The following CEP131 variants were observed in gnomAD, a reference collection of about 807,000 sequenced individuals.
CEP131 encodes centrosomal protein 131, also known as centrosomal protein of 131 kDa.
A neutral mutation model predicts 136.8 loss-of-function variants in CEP131; 99 were observed. That is an observed-to-expected ratio of 0.72 (90% CI 0.62 to 0.86). The LOEUF (loss-of-function observed/expected upper bound fraction) is 0.86. Among genes scored for constraint, CEP131 ranks in the 40% least tolerant of loss-of-function variants. The probability of loss-of-function intolerance (pLI) is 0.00; values close to 1 mark genes in which losing one functional copy is unlikely to be tolerated. For missense variants in CEP131, 1,459 were observed against 1,463.0 expected (o/e 1.00, Z 0.04); for synonymous variants, 646 against 612.7 (o/e 1.05, Z -0.80).
At position 81,198,166 on chromosome 17, in the gene CEP131, C is replaced by G; in HGVS notation, c.1419G>C (p.Val473=). ...TGTGATGGGTCCTGGGGCGGGGCAG[C>G]ACGTCCGGCTCCTTCTCCAGCAGCT... The part of the protein sequence containing the change: ...TLQLLEKEPD[V]LPRPRTHHRG... The change falls in exon 12 of 26, where the codon GTG becomes GTC. Residue 473 remains valine, a synonymous_variant. Coordinates refer to ENST00000450824, the MANE Select transcript of CEP131 (RefSeq NM_014984.4). The G allele has an allele frequency of 3.2e-6, 5 of 1,575,094 alleles. No homozygotes were observed. Among genetic ancestry groups the G allele is most frequent in the Non-Finnish European group, 3.4e-6 (4 of 1,160,448 alleles).
Position 81,190,929 on chromosome 17 carries a change from C to T in CEP131, c.2921G>A (p.Arg974Gln), listed in dbSNP as rs140907954. The T allele has an allele frequency of 5.2e-5, 84 of 1,604,690 alleles. No homozygotes were observed. In the African/African-American group the frequency reaches 9.5e-4, roughly 18 times the overall value. Residue 974 changes from arginine to glutamine, a missense_variant, in exon 23 of 26, where the codon CGG (arginine) becomes CAG (glutamine). Around this residue, in one of 3 missense-constraint regions of CEP131, gnomAD observed 1,026 missense variants for 964.2 expected, o/e 1.06. Coordinates refer to ENST00000450824, the MANE Select transcript of CEP131 (RefSeq NM_014984.4). ...RLQGLVRQKE[R>Q]ALEDAQAVNE... ...CACCGCCTGCGCATCCTCCAGCGCC[C>T]GCTCCTTCTGCCGCACAAGGCCCTG... is the stretch of plus-strand genomic sequence containing the variant.
chr17:81,192,221 G>T, intron 21 of CEP131, 97 bp downstream of exon 21: 1 of 1,163,018 alleles, frequency 8.6e-7, no homozygotes, highest in Non-Finnish European at 1.2e-6. Context: ...CCCCCAGGAT[G>T]CCACAGCAGC....
At chr17:81,213,759 C>A (rs547320253) in intron 2 of CEP131, among the ~76,000 whole-genome samples, 1 of 152,166 alleles carries the variant, frequency 6.6e-6, no homozygotes, top group South Asian at 2.1e-4. Context: ...TGACCCTCCA[C>A]CTTGGCCAGG....
At chr17:81,210,978 G>T (rs760756717) in intron 2 of CEP131, among the ~76,000 whole-genome samples, 4 of 152,172 alleles carry the variant, frequency 2.6e-5, no homozygotes, top group African/African-American at 9.7e-5. Context: ...CAGCTCGGCG[G>T]CAGCAGAGCC....
chr17:81,192,482 C>G lies in CEP131; in HGVS notation c.2541G>C (p.Arg847=). ...CAGCCCTCCGGTGGTAGACCTGGTG[C>G]CGGCGCTCCTGCTCCTCCCTGCCCT... ...FEKGREEQER[R]HQMELNTLKQ... Residue 847 remains arginine, a synonymous_variant, in exon 20 of 26, where the codon CGG becomes CGC. Transcript: ENST00000450824. 6.2e-7 allele frequency: 1 copy of G among 1,611,888 alleles called. No homozygotes were observed. Among genetic ancestry groups the G allele is most frequent in the Non-Finnish European group, 8.5e-7 (1 of 1,179,780 alleles).
intron 2 of CEP131, among the ~76,000 whole-genome samples, chr17:81,218,187 T>C (rs1255734273): frequency 2.0e-5 from 3 of 152,150 alleles, no homozygotes; most frequent in African/African-American, 7.2e-5. Context: ...GGATTAAGGG[T>C]GCGCGCCACC....
rs952062175 is a variant in CEP131, at chr17:81,208,052, C to T, written c.273-813G>A. Among the ~76,000 whole-genome samples, 3 of 133,766 alleles carry T rather than the reference C, an allele frequency of 2.2e-5. No homozygotes were observed. Among genetic ancestry groups the T allele is most frequent in the Non-Finnish European group, 4.9e-5 (3 of 60,958 alleles). The allele number at this position is 133,766 out of a possible 152,430, so 87.8% of individuals were successfully genotyped here. A position where few individuals can be genotyped will look rare whatever the true frequency, so the allele number is the denominator to read the frequency against. ...CCACACACCACACACCCCCCACACA[C>T]ACCACACTCACACCACACACCCACA... On this transcript the variant is annotated intron_variant, in intron 3 of 25. Coordinates refer to ENST00000450824, the MANE Select transcript of CEP131 (RefSeq NM_014984.4). The surrounding 1 kb of genome is among the most constrained non-coding windows in gnomAD (Gnocchi z 5.6).
intron 1 of CEP131, among the ~76,000 whole-genome samples, chr17:81,221,248 A>T (rs557394526): frequency 1.1e-4 from 17 of 150,716 alleles, no homozygotes; most frequent in South Asian, 1.1e-3. Context: ...CCAGCAGGGG[A>T]CGGGGGTTCT....
intron 2 of CEP131, among the ~76,000 whole-genome samples, chr17:81,210,976 C>T (rs994161105): frequency 4.6e-5 from 7 of 152,056 alleles, no homozygotes; most frequent in South Asian, 2.1e-4. Context: ...CCCAGCTCGG[C>T]GGCAGCAGAG....
At chr17:81,200,483 C>T in intron 7 of CEP131, 37 bp from the exon 8 acceptor site, 1 of 1,474,202 alleles carries the variant, frequency 6.8e-7, no homozygotes, top group Non-Finnish European at 9.2e-7. Flanking sequence ...AAGACAGGAC[C>T]AGCGCCCCGG....
chr17:81,189,651 G>A lies in CEP131; in HGVS notation c.*118C>T. Reference sequence around the variant, plus strand: ...ATGCAGCCACAGGTGCTTAGCCGTGGGCATCTCAACCACCAGCCTCTGTGG... The same window carrying A: ...ATGCAGCCACAGGTGCTTAGCCGTGAGCATCTCAACCACCAGCCTCTGTGG... On this transcript the variant is annotated 3_prime_UTR_variant, in exon 26 of 26. Transcript: ENST00000450824. 1 of 1,035,898 alleles carries A rather than the reference G, an allele frequency of 9.7e-7. No individual in the cohort carries two copies. Among genetic ancestry groups the A allele is most frequent in the Non-Finnish European group, 1.4e-6 (1 of 714,200 alleles). The allele number at this position is 1,035,898 out of a possible 1,614,324, so 64.2% of individuals were successfully genotyped here. A position where few individuals can be genotyped will look rare whatever the true frequency, so the allele number is the denominator to read the frequency against.
intron 16 of CEP131, among the ~76,000 whole-genome samples, chr17:81,195,461 G>A (rs766212266): frequency 3.9e-5 from 6 of 152,188 alleles, no homozygotes; most frequent in East Asian, 3.9e-4. Context: ...GGGAAGGGGC[G>A]GGGAGTCAAT....
rs1212152966 is a variant in CEP131 at position 81,197,517 on chromosome 17, G to GA, written c.1647+194_1647+195insT. 69 of 806,980 alleles carry GA rather than the reference G, an allele frequency of 8.6e-5. No homozygotes were observed. The African/African-American group carries it at 1.2e-3, about 14-fold the overall frequency. 50.0% of individuals were successfully genotyped at this position (806,980 alleles called of 1,614,324 possible). A position where few individuals can be genotyped will look rare whatever the true frequency, so the allele number is the denominator to read the frequency against. ...ACCTCCACCCTGAGAGACCCGTGGG[G>GA]GGTGCTGCATAACTAGGTGGGTACA... is the stretch of plus-strand genomic sequence containing the variant. On this transcript the variant is annotated intron_variant, in intron 13 of 25. Transcript: ENST00000450824.
chr17:81,211,704 G>T (rs1204662211), intron 2 of CEP131, among the ~76,000 whole-genome samples: 1 of 152,128 alleles, frequency 6.6e-6, no homozygotes, highest in Non-Finnish European at 1.5e-5. Flanking sequence ...AGGCCAAGGC[G>T]GGTGGATCAC....
At chr17:81,210,880 C>G (rs2062117596) in intron 2 of CEP131, among the ~76,000 whole-genome samples, 2 of 150,954 alleles carry the variant, frequency 1.3e-5, no homozygotes, top group African/African-American at 4.9e-5. Context: ...TGCACCCCAC[C>G]AGGACACCCC....
chr17:81,191,240 G>C lies in CEP131; in HGVS notation c.2718C>G (p.Ala906=). 1.2e-6 allele frequency: 2 copies of C among 1,613,170 alleles called. No individual in the cohort carries two copies. Among genetic ancestry groups the C allele is most frequent in the Non-Finnish European group, 1.7e-6 (2 of 1,179,964 alleles). Residue 906 remains alanine (A), a synonymous_variant, in exon 22 of 26, where the codon GCC becomes GCG. Transcript: ENST00000450824. Reference sequence around the variant, plus strand: ...TCTCCTCCTTGGCCAGCGCCATGTCGGCCTCCAGCCGGTGAATGACCAGCT... The same window carrying C: ...TCTCCTCCTTGGCCAGCGCCATGTCCGCCTCCAGCCGGTGAATGACCAGCT... The part of the protein sequence containing the change: ...EIELVIHRLE[A]DMALAKEESE...
chr17:81,202,984 T>C (rs111687967), intron 6 of CEP131, among the ~76,000 whole-genome samples: 4,840 of 151,728 alleles, frequency 0.032, 113 homozygotes, highest in Non-Finnish European at 0.054. Context: ...AAAAATTCCA[T>C]TGAGAAAGTT....
chr17:81,190,908 G>A lies in CEP131; in HGVS notation c.2942C>T (p.Ala981Val), dbSNP rs773113154. Residue 981 changes from alanine to valine, a missense_variant and splice_region_variant, in exon 23 of 26, where the codon GCG becomes GTG. By Grantham distance (64) the Ala-to-Val change is moderately conservative. Coordinates refer to ENST00000450824, the MANE Select transcript of CEP131 (RefSeq NM_014984.4). ...QKERALEDAQ[A>V]VNEQLSSERS... is the part of the protein sequence containing the mutation. ...CCCACCTGACACCCGCCCACTCACCGCCTGCGCATCCTCCAGCGCCCGCTC... is the reference window on the plus strand; with the variant it reads ...CCCACCTGACACCCGCCCACTCACCACCTGCGCATCCTCCAGCGCCCGCTC... 44 of 1,602,666 alleles carry A rather than the reference G, an allele frequency of 2.7e-5. No homozygotes were observed. Among genetic ancestry groups the A allele is most frequent in the Middle Eastern group, 3.3e-4 (2 of 6,014 alleles).
At position 81,192,782 on chromosome 17, in the gene CEP131, T is replaced by A; in HGVS notation, c.2383A>T (p.Ser795Cys). Residue 795 changes from serine to cysteine, a missense_variant, in exon 19 of 26, where the codon AGT becomes TGT. Ser to Cys is a moderately radical substitution (Grantham distance 112). Coordinates refer to ENST00000450824, the MANE Select transcript of CEP131 (RefSeq NM_014984.4). ...CGCTCCCTCTCCTCAGCCACCTCAC[T>A]GTACAGCCGCTGCCGTTGCTGCTGC... ...ALQQQRQRLYSEVAEERERLG... is the reference protein window; with the variant it reads ...ALQQQRQRLYCEVAEERERLG... The A allele has an allele frequency of 6.3e-7, 1 of 1,597,470 alleles. No homozygotes were observed. The highest frequency in any genetic ancestry group is 8.5e-7 in the Non-Finnish European group (1 of 1,178,282).
Sources: allele counts gnomAD v4.1 joint callset (sites outside exome capture counted in the v4.1 genomes callset), GRCh38; gene constraint gnomAD v4.1.1; regional missense constraint gnomAD v4.1.1; non-coding constraint Gnocchi (gnomAD v3.1); transcripts MANE v1.5; gene names NCBI Gene and HGNC (gene_info 2026-07-23, HGNC 2026-07-21).